Variants in PCMTD1 observed in about 807,000 individuals in gnomAD.
The protein encoded by PCMTD1 is protein-L-isoaspartate (D-aspartate) O-methyltransferase domain containing 1, also known as protein-L-isoaspartate O-methyltransferase domain-containing protein 1.
A neutral mutation model predicts 37.6 loss-of-function variants in PCMTD1; 12 were observed. That is an observed-to-expected ratio of 0.32 (90% CI 0.20 to 0.52). The LOEUF (loss-of-function observed/expected upper bound fraction) is 0.52, where lower values mean the gene tolerates loss of function less well. Among genes scored for constraint, PCMTD1 ranks in the 20% least tolerant of loss-of-function variants. The pLI is 0.97. For missense variants in PCMTD1, 235 were observed against 421.3 expected, an observed-to-expected ratio of 0.56 and a Z score of 3.87; for synonymous variants, 117 against 135.8, an observed-to-expected ratio of 0.86 and a Z score of 0.96.
chr8:51,855,200 A>C lies in PCMTD1; in HGVS notation c.307+5645T>G, dbSNP rs543888455. 4.0e-3 allele frequency among the ~76,000 whole-genome samples: 579 copies of C among 143,816 alleles called. 6 individuals carry two copies. The highest frequency in any genetic ancestry group is 6.1e-3 in the Non-Finnish European group (404 of 66,400). The allele number at this position is 143,816 out of a possible 152,430, so 94.3% of individuals were successfully genotyped here. ...AAAAAAAAAAAAAAACAAACAAAAA[A>C]AAAACATAATTTATAATTCCTAAAA... On this transcript the variant is annotated intron_variant, in intron 2 of 5. Coordinates refer to ENST00000522514, the MANE Select transcript of PCMTD1 (RefSeq NM_052937.4).
intron 5 of PCMTD1, chr8:51,827,342 T>A: frequency 9.3e-7 from 1 of 1,076,622 alleles, no homozygotes; most frequent in Non-Finnish European, 1.3e-6. Context: ...CGGTTTCCGC[T>A]TTCTATGGTC....
intron 1 of PCMTD1, among the ~76,000 whole-genome samples, chr8:51,896,971 T>A (rs55791360): frequency 0.014 from 2,101 of 152,188 alleles, 29 homozygotes; most frequent in Middle Eastern, 0.045. Context: ...AGAATGTCAT[T>A]TATGTTGTTA....
Position 51,851,925 on chromosome 8 carries a change from C to T in PCMTD1, c.308-6162G>A, listed in dbSNP as rs186134966. On this transcript the variant is annotated intron_variant, in intron 2 of 5. Transcript: ENST00000522514. ...TCAGCCTCCCAAAGTGCTGGGATTA[C>T]AGGCATGAGACACCACCCCTAGCCT... Among the ~76,000 whole-genome samples the T allele has an allele frequency of 1.4e-4, 21 of 152,334 alleles. No homozygotes were observed. The East Asian group carries it at 3.7e-3, about 27-fold the overall frequency.
chr8:51,818,409 C>CAAAAAAAAAAAAAA lies in PCMTD1; in HGVS notation c.*1928_*1941dup, dbSNP rs35041148. Reference sequence around the variant, plus strand: ...GCATCATCTAAACAGCAGCTCCAACCAAAAAAAAAAAAAAAAACAAGCAGG... The same window carrying CAAAAAAAAAAAAAA: ...GCATCATCTAAACAGCAGCTCCAACCAAAAAAAAAAAAAAAAAAAAAAAAAAAAAAACAAGCAGG... On this transcript the variant is annotated 3_prime_UTR_variant, in exon 6 of 6. Coordinates refer to ENST00000522514, the MANE Select transcript of PCMTD1 (RefSeq NM_052937.4). The CAAAAAAAAAAAAAA allele has an allele frequency of 1.4e-5, 2 of 138,066 alleles. No individual in the cohort carries two copies. Among genetic ancestry groups the CAAAAAAAAAAAAAA allele is most frequent in the African/African-American group, 2.6e-5 (1 of 38,186 alleles). The allele number at this position is 138,066 out of a possible 1,614,324, so 8.6% of individuals were successfully genotyped here.
chr8:51,821,785 G>T (rs904069505), intron 5 of PCMTD1, among the ~76,000 whole-genome samples: 1 of 150,412 alleles, frequency 6.6e-6, no homozygotes, highest in African/African-American at 2.5e-5. Context: ...TCACCAGGCT[G>T]GAGTGCAGTG....
intron 3 of PCMTD1, among the ~76,000 whole-genome samples, chr8:51,843,955 A>G (rs2038182493): frequency 1.3e-5 from 2 of 152,222 alleles, no homozygotes; most frequent in African/African-American, 2.4e-5. Context: ...TAATACTTTT[A>G]TATTTTCTAA....
In PCMTD1 at chr8:51,860,987, G is replaced by T. The variant is rs867944782; in HGVS notation, c.165C>A (p.Ala55=). The part of the protein sequence containing the change: ...GYRDNAYKDL[A]WKHGNIHLSA... ...ACAAGTGGATGTTTCCATGCTTCCA[G>T]GCTAAGTCTTTGTAAGCATTGTCTC... Residue 55 remains alanine, a synonymous_variant, in exon 2 of 6, where the codon GCC becomes GCA. Transcript: ENST00000522514. 5.6e-6 allele frequency: 9 copies of T among 1,614,034 alleles called. No individual in the cohort carries two copies. The highest frequency in any genetic ancestry group is 6.8e-6 in the Non-Finnish European group (8 of 1,179,994).
At chr8:51,899,098 C>T (rs1381666528), upstream of PCMTD1, 5 of 1,470,718 alleles carry the variant, frequency 3.4e-6, no homozygotes, top group South Asian at 3.9e-5. Flanking sequence ...CCGGAGCCGC[C>T]GGGGTCCGGG....
intron 5 of PCMTD1, among the ~76,000 whole-genome samples, chr8:51,829,121 A>G (rs1225759671): frequency 2.0e-5 from 3 of 152,212 alleles, no homozygotes; most frequent in African/African-American, 7.2e-5. Flanking sequence ...CTGACTGCTT[A>G]ATTTCTTTCT....
chr8:51,887,807 T>C (rs2038885874), intron 1 of PCMTD1, among the ~76,000 whole-genome samples: 2 of 149,720 alleles, frequency 1.3e-5, no homozygotes, highest in Non-Finnish European at 3.0e-5. Flanking sequence ...AGTGGCACGA[T>C]CTCAGCTCAC....
chr8:51,842,040 G>C (rs1185435043), intron 3 of PCMTD1, among the ~76,000 whole-genome samples: 1 of 152,096 alleles, frequency 6.6e-6, no homozygotes, highest in Non-Finnish European at 1.5e-5. Flanking sequence ...GGGATTTGTG[G>C]GAAAAACTTG....
Position 51,898,958 on chromosome 8 carries a change from A to C in PCMTD1, c.-124T>G. The C allele has an allele frequency of 1.4e-6, 2 of 1,469,548 alleles. No homozygotes were observed. Among genetic ancestry groups the C allele is most frequent in the Non-Finnish European group, 1.8e-6 (2 of 1,114,304 alleles). 91.0% of individuals were successfully genotyped at this position (1,469,548 alleles called of 1,614,324 possible). A position where few individuals can be genotyped will look rare whatever the true frequency, so the allele number is the denominator to read the frequency against. On this transcript the variant is annotated 5_prime_UTR_variant, in exon 1 of 6. Transcript: ENST00000522514. ...TGGCGCGGGCAGCGGCGCGCAGGCC[A>C]GGCGCTAGGACTCGGCGGGGTCCGC...
intron 1 of PCMTD1, among the ~76,000 whole-genome samples, chr8:51,889,320 T>C (rs1212647404): frequency 6.6e-6 from 1 of 152,236 alleles, no homozygotes; most frequent in South Asian, 2.1e-4. Context: ...CTATCATTAA[T>C]TGAGCACTTA....
At chr8:51,860,541 A>G (rs2038456766) in intron 2 of PCMTD1, 1 of 213,660 alleles carries the variant, frequency 4.7e-6, no homozygotes, top group African/African-American at 2.3e-5. Flanking sequence ...AGAAGACAGA[A>G]CACTCTATCT....
rs2129271358 is a variant in PCMTD1 at position 51,819,465 on chromosome 8, T to G, written c.*886A>C. 6.6e-6 allele frequency: 1 copy of G among 152,430 alleles called. No individual in the cohort carries two copies. Among genetic ancestry groups the G allele is most frequent in the South Asian group, 2.1e-4 (1 of 4,830 alleles). 9.4% of individuals were successfully genotyped at this position (152,430 alleles called of 1,614,324 possible). ...AAGAAAGTGGCCTCACTCATGCTCA[T>G]TCACTCGTTCTGTGTCCTATCAAGA... On this transcript the variant is annotated 3_prime_UTR_variant, in exon 6 of 6. Transcript: ENST00000522514.
At chr8:51,839,375 T>C (rs1364522557) in intron 3 of PCMTD1, 4 of 811,614 alleles carry the variant, frequency 4.9e-6, no homozygotes, top group African/African-American at 3.7e-5. Flanking sequence ...GAAAAAAATA[T>C]AGAGCACACA....
At position 51,818,024 on chromosome 8, in the gene PCMTD1, A is replaced by AATCTTTATTTGCTACTTTTCCACCT; in HGVS notation, c.*2302_*2326dup. 1 of 443,546 alleles carries AATCTTTATTTGCTACTTTTCCACCT rather than the reference A, an allele frequency of 2.3e-6. No individual in the cohort carries two copies. Among genetic ancestry groups the AATCTTTATTTGCTACTTTTCCACCT allele is most frequent in the South Asian group, 1.6e-5 (1 of 62,304 alleles). The allele number at this position is 443,546 out of a possible 1,614,324, so 27.5% of individuals were successfully genotyped here. A position where few individuals can be genotyped will look rare whatever the true frequency, so the allele number is the denominator to read the frequency against. Reference sequence around the variant, plus strand: ...CCATCATTTTCACTTACTTTTACTTAATCTTTATTTGCTACTTTTCCACCT... The same window carrying AATCTTTATTTGCTACTTTTCCACCT: ...CCATCATTTTCACTTACTTTTACTTAATCTTTATTTGCTACTTTTCCACCTATCTTTATTTGCTACTTTTCCACCT... On this transcript the variant is annotated 3_prime_UTR_variant, in exon 6 of 6. Coordinates refer to ENST00000522514, the MANE Select transcript of PCMTD1 (RefSeq NM_052937.4).
At chr8:51,873,335 AAACCAT>A (rs972858670) in intron 1 of PCMTD1, among the ~76,000 whole-genome samples, 1 of 152,210 alleles carries the variant, frequency 6.6e-6, no homozygotes, top group Admixed American at 6.5e-5. Flanking sequence ...TTGTAAGAAG[AAACCAT>A]AACAAAAAAA....
intron 1 of PCMTD1, among the ~76,000 whole-genome samples, chr8:51,891,943 TCTGA>T (rs989054437): frequency 7.6e-4 from 115 of 152,158 alleles, no homozygotes; most frequent in Middle Eastern, 3.4e-3. Flanking sequence ...TCAACAGAAT[TCTGA>T]CTGACATTTT....
Sources: allele counts gnomAD v4.1 joint callset (sites outside exome capture counted in the v4.1 genomes callset), GRCh38; gene constraint gnomAD v4.1.1; transcripts MANE v1.5; gene names NCBI Gene and HGNC (gene_info 2026-07-23, HGNC 2026-07-21).